Variants in FOCAD observed in about 807,000 individuals in gnomAD.
The protein encoded by FOCAD is KIAA1797.
In FOCAD, 198 loss-of-function variants were observed where a neutral mutation model predicts 225.6. The observed-to-expected ratio is 0.88, with a 90% CI of 0.78 to 0.99. The LOEUF (loss-of-function observed/expected upper bound fraction) is 0.99. Ranked by LOEUF, FOCAD falls within the 50% of genes least tolerant of loss-of-function variation. The pLI is 0.00. For synonymous variants in FOCAD, 897 were observed against 755.0 expected (o/e 1.19, Z -3.08); for missense variants, 2,713 against 2,123.6 (o/e 1.28, Z -5.46).
intron 39 of FOCAD, among the ~76,000 whole-genome samples, 161 bp from the exon 40 acceptor site, chr9:20,986,127 C>A (rs1425980265): frequency 6.6e-6 from 1 of 152,006 alleles, no homozygotes; most frequent in South Asian, 2.1e-4. Context: ...ATTGTATGCT[C>A]ATGTTAATTT....
At chr9:20,745,334 C>T (rs1248695406) in intron 5 of FOCAD, among the ~76,000 whole-genome samples, 1 of 152,136 alleles carries the variant, frequency 6.6e-6, no homozygotes, top group Non-Finnish European at 1.5e-5. Flanking sequence ...AAGCGATCCA[C>T]CTGCTTCGGC....
upstream of FOCAD, among the ~76,000 whole-genome samples, chr9:20,679,952 G>A (rs1235344871): frequency 6.6e-6 from 1 of 152,152 alleles, no homozygotes; most frequent in African/African-American, 2.4e-5. Context: ...CTGTTTCTCA[G>A]AAATATTCCT....
intron 4 of FOCAD, among the ~76,000 whole-genome samples, chr9:20,730,380 A>T (rs1586959728): frequency 6.6e-6 from 1 of 152,182 alleles, no homozygotes; most frequent in Admixed American, 6.5e-5. Context: ...CAGGATATAT[A>T]TGTAATTCTT....
intron 35 of FOCAD, among the ~76,000 whole-genome samples, chr9:20,969,490 T>C (rs947530871): frequency 1.3e-5 from 2 of 152,122 alleles, no homozygotes; most frequent in Non-Finnish European, 2.9e-5. Flanking sequence ...TTAAATTTCT[T>C]GATTAATCTA....
chr9:20,781,992 A>T, intron 10 of FOCAD, 63 bp downstream of exon 10: 1 of 1,419,700 alleles, frequency 7.0e-7, no homozygotes, highest in Non-Finnish European at 9.9e-7. Flanking sequence ...GTCTTTACGG[A>T]TAATCTTGCC....
intron 22 of FOCAD, among the ~76,000 whole-genome samples, chr9:20,908,221 G>A (rs527357604): frequency 6.6e-6 from 1 of 152,006 alleles, no homozygotes; most frequent in Non-Finnish European, 1.5e-5. Context: ...AGTAATTTAT[G>A]TCCCAGAGTA....
At chr9:20,789,887 G>A (rs1820344205) in intron 11 of FOCAD, among the ~76,000 whole-genome samples, 1 of 152,072 alleles carries the variant, frequency 6.6e-6, no homozygotes, top group Admixed American at 6.6e-5. Context: ...TGGTGGATTT[G>A]CTATTTTGTA....
chr9:20,888,846 C>G (rs1330514051), intron 21 of FOCAD, among the ~76,000 whole-genome samples: 1 of 152,146 alleles, frequency 6.6e-6, no homozygotes, highest in African/African-American at 2.4e-5. Context: ...CTCGCTCCTC[C>G]TTGCTTTCTG....
chr9:20,871,921 A>AT (rs925286639), intron 18 of FOCAD, among the ~76,000 whole-genome samples: 14 of 19,852 alleles, frequency 7.1e-4, no homozygotes, highest in Middle Eastern at 0.033. Context: ...TAATAATAAA[A>AT]TAAAAAAAAT....
intron 4 of FOCAD, among the ~76,000 whole-genome samples, chr9:20,739,057 A>G (rs1827381930): frequency 1.3e-5 from 2 of 152,138 alleles, no homozygotes; most frequent in Non-Finnish European, 2.9e-5. Flanking sequence ...TGGACTGTGC[A>G]GGTCTACTAA....
chr9:20,946,213 G>T (rs1436141636), intron 29 of FOCAD, among the ~76,000 whole-genome samples: 1 of 152,080 alleles, frequency 6.6e-6, no homozygotes, highest in Non-Finnish European at 1.5e-5. Flanking sequence ...CCATATTCCT[G>T]TTCCAGTTAT....
At chr9:20,860,919 A>G (rs937898316) in intron 15 of FOCAD, among the ~76,000 whole-genome samples, 1 of 152,170 alleles carries the variant, frequency 6.6e-6, no homozygotes, top group Non-Finnish European at 1.5e-5. Context: ...TTGATATTCT[A>G]AGTATGCTGT....
chr9:20,659,424 G>GAGAAAGAAAAGAAAGAAAGAAAGAA (rs1554648288), intron 2 of FOCAD, among the ~76,000 whole-genome samples: 1 of 140,354 alleles, frequency 7.1e-6, no homozygotes, highest in African/African-American at 2.8e-5. Context: ...AGAAAGAAAG[G>GAGAAAGAAAAGAAAGAAAGAAAGAA]AGAAAGAAAG....
intron 33 of FOCAD, among the ~76,000 whole-genome samples, chr9:20,950,540 A>G (rs1249559001): frequency 6.6e-6 from 1 of 152,334 alleles, no homozygotes; most frequent in East Asian, 1.9e-4. Context: ...TCTGTAAATG[A>G]AAATTATTAT....
At chr9:20,801,020 G>T (rs564088618) in intron 11 of FOCAD, among the ~76,000 whole-genome samples, 1 of 152,094 alleles carries the variant, frequency 6.6e-6, no homozygotes, top group South Asian at 2.1e-4. Context: ...GTACAGATGG[G>T]GTTTTGGTGT....
chr9:20,784,916 T>C (rs1332299248), intron 10 of FOCAD, among the ~76,000 whole-genome samples: 1 of 145,212 alleles, frequency 6.9e-6, no homozygotes, highest in African/African-American at 2.4e-5. Flanking sequence ...GAAATAGATG[T>C]CTTTTCTTTC....
At chr9:20,904,847 A>G (rs1341615509) in intron 21 of FOCAD, among the ~76,000 whole-genome samples, 3 of 152,002 alleles carry the variant, frequency 2.0e-5, no homozygotes, top group Admixed American at 6.6e-5. Context: ...AGCAAATTGG[A>G]CATAATTGTC....
chr9:20,680,553 CAA>C (rs990975736), upstream of FOCAD, among the ~76,000 whole-genome samples: 1 of 150,872 alleles, frequency 6.6e-6, no homozygotes, highest in Non-Finnish European at 1.5e-5. Flanking sequence ...GACTCTGTCT[CAA>C]AAAAAAATTT....
At chr9:20,674,617 C>A (rs1327472662) in intron 2 of FOCAD, among the ~76,000 whole-genome samples, 1 of 152,186 alleles carries the variant, frequency 6.6e-6, no homozygotes, top group Non-Finnish European at 1.5e-5. Flanking sequence ...TGGAACAACT[C>A]TCATGAAGTT....
Sources: allele counts gnomAD v4.1 joint callset (sites outside exome capture counted in the v4.1 genomes callset), GRCh38; gene constraint gnomAD v4.1.1; transcripts MANE v1.5; gene names NCBI Gene and HGNC (gene_info 2026-07-23, HGNC 2026-07-21).